The following ADAMTS17 variants were observed in gnomAD, a reference collection of about 807,000 sequenced individuals.
The protein encoded by ADAMTS17 is A disintegrin and metalloproteinase with thrombospondin motifs 17.
A neutral mutation model predicts 141.5 loss-of-function variants in ADAMTS17; 113 were observed. The ratio of observed to expected loss-of-function variants is 0.80; its 90% CI spans 0.69 to 0.93. The LOEUF is 0.93. Ranked by LOEUF, ADAMTS17 falls within the 40% of genes least tolerant of loss-of-function variation. The pLI, the probability that ADAMTS17 is intolerant of heterozygous loss-of-function variation, is 0.00. For synonymous variants in ADAMTS17, 768 were observed against 630.6 expected (o/e 1.22, Z -3.27); for missense variants, 1,659 against 1,517.9 (o/e 1.09, Z -1.54).
intron 8 of ADAMTS17, among the ~76,000 whole-genome samples, chr15:100,156,810 T>C (rs185761084): frequency 7.1e-4 from 108 of 152,358 alleles, no homozygotes; most frequent in African/African-American, 2.4e-3. Flanking sequence ...ATCCTTTTTA[T>C]GTGTATACAA....
At chr15:100,120,742 G>A (rs1056907958) in intron 12 of ADAMTS17, among the ~76,000 whole-genome samples, 10 of 152,332 alleles carry the variant, frequency 6.6e-5, no homozygotes, top group African/African-American at 2.4e-4. Context: ...AACACCCTGG[G>A]GAAGGGGTAC....
intron 8 of ADAMTS17, among the ~76,000 whole-genome samples, chr15:100,164,853 G>A (rs541627019): frequency 2.0e-5 from 3 of 152,310 alleles, no homozygotes; most frequent in Admixed American, 6.5e-5. Flanking sequence ...ACTGTTCTTG[G>A]TAAGTGGCTA....
intron 7 of ADAMTS17, among the ~76,000 whole-genome samples, chr15:100,216,430 C>T (rs1375179003): frequency 1.3e-5 from 2 of 152,172 alleles, no homozygotes; most frequent in Non-Finnish European, 2.9e-5. Flanking sequence ...AGCTGAAGAA[C>T]AGCAAAGAGC....
intron 7 of ADAMTS17, among the ~76,000 whole-genome samples, chr15:100,204,895 C>G (rs905649907): frequency 6.6e-6 from 1 of 152,228 alleles, no homozygotes; most frequent in Non-Finnish European, 1.5e-5. Context: ...CTAAGGAAGC[C>G]TTCCAGACTT....
Position 100,096,428 on chromosome 15 carries a change from A to G in ADAMTS17, c.2065T>C (p.Cys689Arg). ...TTGCCGTCCCCGCTGCAGACCCCGC[A>G]TCTGTCCTCTTTGGCTGCAGACCCG... Reference protein sequence around the residue: ...IIGSAAKEDRCGVCSGDGKTC... With the variant: ...IIGSAAKEDRRGVCSGDGKTC... Residue 689 changes from cysteine to arginine, a missense_variant, in exon 15 of 22, where the codon TGC (cysteine) becomes CGC (arginine). Cys to Arg is a radical substitution (Grantham distance 180). Coordinates refer to ENST00000268070, the MANE Select transcript of ADAMTS17 (RefSeq NM_139057.4). 2.5e-6 allele frequency: 4 copies of G among 1,614,132 alleles called. No individual in the cohort carries two copies. Among genetic ancestry groups the G allele is most frequent in the South Asian group, 1.1e-5 (1 of 91,076 alleles).
rs768293230 is a variant in ADAMTS17 at position 100,051,657 on chromosome 15, A to G, written c.2370T>C (p.Asn790=). 5 of 1,613,998 alleles carry G rather than the reference A, an allele frequency of 3.1e-6. No individual in the cohort carries two copies. The South Asian group carries it at 5.5e-5, about 18-fold the overall frequency. The change falls in exon 17 of 22, where the codon AAT becomes AAC. Residue 790 remains asparagine, a synonymous_variant. Transcript: ENST00000268070. ...CCTGCGGTTTTTCTGGTTCGCTTTG[A>G]TTTTCCGCAGTGCGGTTTACAGGAA... ...YTVPVNRTAE[N]QSEPEKPQDS...
At chr15:100,159,215 A>C (rs980451097) in intron 8 of ADAMTS17, among the ~76,000 whole-genome samples, 7 of 152,256 alleles carry the variant, frequency 4.6e-5, no homozygotes, top group African/African-American at 1.7e-4. Context: ...ATATGAACCC[A>C]ACCTAAACAG....
At chr15:100,101,571 C>T (rs1197471222) in intron 14 of ADAMTS17, among the ~76,000 whole-genome samples, 2 of 152,196 alleles carry the variant, frequency 1.3e-5, no homozygotes, top group Non-Finnish European at 2.9e-5. Flanking sequence ...CCCTAACGGA[C>T]CATAAGCACA....
At chr15:100,095,420 G>T (rs1190446312) in intron 15 of ADAMTS17, among the ~76,000 whole-genome samples, 1 of 152,204 alleles carries the variant, frequency 6.6e-6, no homozygotes, top group African/African-American at 2.4e-5. Flanking sequence ...AAAGTGGAGA[G>T]GAGAGCATGC....
At chr15:100,003,367 G>C (rs1196388121) in intron 18 of ADAMTS17, among the ~76,000 whole-genome samples, 1 of 152,050 alleles carries the variant, frequency 6.6e-6, no homozygotes, top group African/African-American at 2.4e-5. Flanking sequence ...GGTGAACACG[G>C]GGCTGTGGGG....
intron 3 of ADAMTS17, among the ~76,000 whole-genome samples, chr15:100,294,299 T>C (rs902687606): frequency 1.3e-5 from 2 of 152,162 alleles, no homozygotes; most frequent in South Asian, 2.1e-4. Flanking sequence ...AATGGTCATA[T>C]TCTCCAGCTG....
intron 6 of ADAMTS17, among the ~76,000 whole-genome samples, chr15:100,258,722 C>T (rs935202280): frequency 2.6e-5 from 4 of 152,026 alleles, no homozygotes; most frequent in African/African-American, 7.3e-5. Context: ...ACAGCAAAAC[C>T]GTATCATTTT....
At chr15:100,127,774 G>A (rs1382806370) in intron 12 of ADAMTS17, among the ~76,000 whole-genome samples, 1 of 133,664 alleles carries the variant, frequency 7.5e-6, no homozygotes, top group African/African-American at 2.5e-5. Context: ...TAGAGACAGG[G>A]TTTCACCATG....
intron 13 of ADAMTS17, among the ~76,000 whole-genome samples, chr15:100,112,598 T>G (rs2036856293): frequency 6.6e-6 from 1 of 152,088 alleles, no homozygotes; most frequent in Non-Finnish European, 1.5e-5. Flanking sequence ...GATTCAGCTT[T>G]GCACCCAGCA....
At chr15:100,228,162 C>T (rs74512294) in intron 7 of ADAMTS17, among the ~76,000 whole-genome samples, 8 of 152,206 alleles carry the variant, frequency 5.3e-5, no homozygotes, top group African/African-American at 4.8e-5. Flanking sequence ...CTCACCTACA[C>T]GCTCTTTCCC....
At chr15:100,138,531 G>A (rs535666572) in intron 10 of ADAMTS17, among the ~76,000 whole-genome samples, 4 of 152,096 alleles carry the variant, frequency 2.6e-5, no homozygotes, top group South Asian at 2.1e-4. Flanking sequence ...TGACAGCCCC[G>A]AATGAGAGAA....
chr15:100,326,960 A>T (rs764486420), intron 3 of ADAMTS17, among the ~76,000 whole-genome samples: 14 of 152,202 alleles, frequency 9.2e-5, no homozygotes, highest in Non-Finnish European at 1.3e-4. Flanking sequence ...CATCAGCTCC[A>T]TGAACTCATG....
At chr15:100,091,851 A>G (rs2035490277) in intron 15 of ADAMTS17, among the ~76,000 whole-genome samples, 1 of 152,100 alleles carries the variant, frequency 6.6e-6, no homozygotes, top group African/African-American at 2.4e-5. Context: ...TTCTCTTCTT[A>G]CAAAAGTTAT....
Position 100,048,986 on chromosome 15 carries a change from C to T in ADAMTS17, c.2462G>A (p.Arg821His), listed in dbSNP as rs201503183. The T allele has an allele frequency of 1.1e-4, 178 of 1,614,062 alleles. 1 individual carries two copies. The highest frequency in any genetic ancestry group is 2.5e-4 in the Admixed American group (15 of 60,012). The change falls in exon 18 of 22, where the codon CGC becomes CAC. Residue 821 changes from arginine (R) to histidine (H), a missense_variant. Arg to His is a conservative substitution (Grantham distance 29). Coordinates refer to ENST00000268070, the MANE Select transcript of ADAMTS17 (RefSeq NM_139057.4). ...GCSVQCGGGE[R>H]RTIVSCTRIV... ...CCGTGTACACGAGACGATGGTTCTG[C>T]GCTCCCCTGGAAACCAAACCACAGG...
Sources: gnomAD v4.1 joint callset for allele counts (sites outside exome capture counted in the v4.1 genomes callset) on GRCh38, gnomAD v4.1.1 for gene constraint, MANE v1.5 for transcripts, NCBI Gene and HGNC (gene_info 2026-07-23, HGNC 2026-07-21) for gene names.